The following MYCT1 variants were observed in gnomAD, a reference collection of about 807,000 sequenced individuals.
MYCT1 encodes the protein myc target protein 1.
Under a neutral mutation model 15.0 loss-of-function variants are expected in MYCT1, and 12 were observed. The ratio of observed to expected loss-of-function variants is 0.80; its 90% CI spans 0.51 to 1.29. MYCT1 has a LOEUF of 1.29. Ranked by LOEUF, MYCT1 falls within the 50% of genes most tolerant of loss-of-function variation. MYCT1 has a pLI of 0.00. For missense variants in MYCT1, 287 were observed against 279.1 expected, an observed-to-expected ratio of 1.03 and a Z score of -0.20; for synonymous variants, 104 against 102.7, an observed-to-expected ratio of 1.01 and a Z score of -0.07.
downstream of MYCT1, among the ~76,000 whole-genome samples, chr6:152,725,668 T>C (rs1341229808): frequency 2.0e-5 from 3 of 152,216 alleles, no homozygotes; most frequent in Non-Finnish European, 4.4e-5. Context: ...TACATATTTC[T>C]GGTGGCAAGG....
chr6:152,704,267 G>GTAATCCCAGGC (rs2129068499), intron 1 of MYCT1, among the ~76,000 whole-genome samples: 1 of 152,182 alleles, frequency 6.6e-6, no homozygotes, highest in South Asian at 2.1e-4. Flanking sequence ...CTCCCAAAGT[G>GTAATCCCAGGC]CTGGGATTAC....
downstream of MYCT1, among the ~76,000 whole-genome samples, chr6:152,726,406 A>AC (rs2099725668): frequency 6.6e-6 from 1 of 151,806 alleles, no homozygotes; most frequent in Non-Finnish European, 1.5e-5. Flanking sequence ...TAAAAAAAAA[A>AC]AAAAAAAGAG....
chr6:152,716,139 G>C (rs777379350), intron 1 of MYCT1, among the ~76,000 whole-genome samples: 23 of 152,302 alleles, frequency 1.5e-4, no homozygotes, highest in Admixed American at 5.2e-4. Context: ...TGAAGTCGCA[G>C]AGTGGGTAGT....
chr6:152,738,503 T>C, the MYCT1 span, among the ~76,000 whole-genome samples: 7 of 152,146 alleles, frequency 4.6e-5, no homozygotes, highest in Non-Finnish European at 8.8e-5. Context: ...TGTCCATTAA[T>C]GGAATTCCTA....
In MYCT1 at chr6:152,698,024, T is replaced by G. The variant is rs2099720704; in HGVS notation, c.122T>G (p.Phe41Cys). The G allele has an allele frequency of 6.2e-7, 1 of 1,611,010 alleles. No individual in the cohort carries two copies. The highest frequency in any genetic ancestry group is 1.7e-5 in the Admixed American group (1 of 59,488). The change falls in exon 1 of 2, where the codon TTT (phenylalanine) becomes TGT (cysteine). Residue 41 changes from phenylalanine to cysteine, a missense_variant. Phe to Cys is a radical substitution (Grantham distance 205). Transcript: ENST00000367245. Reference protein sequence around the residue: ...ILVFLSVFLLFLLFLVDIMAN... With the variant: ...ILVFLSVFLLCLLFLVDIMAN... ...GTTTTTCTTTCTGTTTTTCTTCTCTTTCTTCTATTTCTTGTGGATATTATG... is the reference window on the plus strand; with the variant it reads ...GTTTTTCTTTCTGTTTTTCTTCTCTGTCTTCTATTTCTTGTGGATATTATG...
the MYCT1 span, among the ~76,000 whole-genome samples, chr6:152,740,631 A>G: frequency 6.6e-6 from 1 of 152,256 alleles, no homozygotes; most frequent in Non-Finnish European, 1.5e-5. Context: ...CCATTTCAGT[A>G]AGTTACTCTC....
downstream of MYCT1, among the ~76,000 whole-genome samples, chr6:152,727,679 T>C (rs1359735419): frequency 2.6e-5 from 4 of 152,300 alleles, no homozygotes; most frequent in East Asian, 7.7e-4. Flanking sequence ...AGTTCCAAAA[T>C]GCCTGACCAG....
chr6:152,739,737 T>G, the MYCT1 span, among the ~76,000 whole-genome samples: 1 of 152,140 alleles, frequency 6.6e-6, no homozygotes, highest in Non-Finnish European at 1.5e-5. Context: ...GCCCATAACT[T>G]CCTTTGCAAT....
At chr6:152,701,307 C>T (rs1178811746) in intron 1 of MYCT1, among the ~76,000 whole-genome samples, 1 of 152,138 alleles carries the variant, frequency 6.6e-6, no homozygotes, top group East Asian at 1.9e-4. Context: ...GTTTGGGGAG[C>T]TCAGGAAAAA....
At chr6:152,729,396 T>G (rs2099726180), downstream of MYCT1, among the ~76,000 whole-genome samples, 1 of 152,174 alleles carries the variant, frequency 6.6e-6, no homozygotes, top group African/African-American at 2.4e-5. Context: ...TTGTACAACC[T>G]GAGGAATACA....
the MYCT1 span, among the ~76,000 whole-genome samples, chr6:152,735,310 A>G: frequency 2.0e-5 from 3 of 152,168 alleles, no homozygotes; most frequent in African/African-American, 7.2e-5. Flanking sequence ...GTGAGCCTTT[A>G]TTAAGAAATC....
At chr6:152,704,116 C>T (rs1252587256) in intron 1 of MYCT1, among the ~76,000 whole-genome samples, 1 of 151,990 alleles carries the variant, frequency 6.6e-6, no homozygotes, top group Non-Finnish European at 1.5e-5. Context: ...CCCACCTCAG[C>T]CTCCCACATA....
At chr6:152,703,884 T>C (rs2099721749) in intron 1 of MYCT1, among the ~76,000 whole-genome samples, 1 of 152,122 alleles carries the variant, frequency 6.6e-6, no homozygotes, top group Admixed American at 6.5e-5. Flanking sequence ...TGAGGGATTG[T>C]TTTCATATTG....
chr6:152,733,100 GTTTT>G, the MYCT1 span, among the ~76,000 whole-genome samples: 1 of 151,216 alleles, frequency 6.6e-6, no homozygotes, highest in Admixed American at 6.6e-5. Context: ...TCTTTTGTTT[GTTTT>G]TTTGTTTCTT....
chr6:152,746,653 C>T, the MYCT1 span, among the ~76,000 whole-genome samples: 1 of 152,150 alleles, frequency 6.6e-6, no homozygotes, highest in Non-Finnish European at 1.5e-5. Flanking sequence ...ATCTTTAATA[C>T]TCTATTTTTC....
downstream of MYCT1, among the ~76,000 whole-genome samples, chr6:152,727,447 T>C (rs2099725854): frequency 6.6e-6 from 1 of 152,180 alleles, no homozygotes; most frequent in South Asian, 2.1e-4. Flanking sequence ...AAAATTCTGA[T>C]CATCTCTCAT....
intron 1 of MYCT1, among the ~76,000 whole-genome samples, chr6:152,708,010 A>G (rs915206297): frequency 1.3e-5 from 2 of 151,972 alleles, no homozygotes; most frequent in African/African-American, 2.4e-5. Context: ...AAATAATACA[A>G]ACAGCCTGTT....
At chr6:152,702,324 T>C (rs2129068167) in intron 1 of MYCT1, among the ~76,000 whole-genome samples, 1 of 152,316 alleles carries the variant, frequency 6.6e-6, no homozygotes, top group Middle Eastern at 3.4e-3. Context: ...CTCAAAGCAC[T>C]CTTTTCTATT....
At chr6:152,721,065 G>A (rs759121758) in intron 1 of MYCT1, among the ~76,000 whole-genome samples, 1 of 152,120 alleles carries the variant, frequency 6.6e-6, no homozygotes, top group Non-Finnish European at 1.5e-5. Flanking sequence ...TCATCACAAG[G>A]GCGTAACAGA....
Sources: allele counts gnomAD v4.1 joint callset (sites outside exome capture counted in the v4.1 genomes callset), GRCh38; gene constraint gnomAD v4.1.1; transcripts MANE v1.5; gene names NCBI Gene and HGNC (gene_info 2026-07-23, HGNC 2026-07-21).